Variants in PADI6 observed in about 807,000 individuals in gnomAD.
The protein encoded by PADI6 is peptidyl arginine deiminase 6, also known as inactive protein-arginine deiminase type-6.
Under a neutral mutation model 78.2 loss-of-function variants are expected in PADI6, and 66 were observed. The ratio of observed to expected loss-of-function variants is 0.84; its 90% CI spans 0.69 to 1.04. PADI6 has a LOEUF of 1.04. PADI6 is among the 50% of genes least tolerant of loss of function. The probability of loss-of-function intolerance (pLI) is 0.00; values close to 1 mark genes in which losing one functional copy is unlikely to be tolerated. For missense variants in PADI6, 854 were observed against 866.1 expected (o/e 0.99, Z 0.18); for synonymous variants, 397 against 346.9 (o/e 1.14, Z -1.60).
At position 17,393,690 on chromosome 1, in the gene PADI6, G is replaced by C. The variant is rs570276900; in HGVS notation, c.1075-285G>C. Among the ~76,000 whole-genome samples, 3 of 152,244 alleles carry C rather than the reference G, an allele frequency of 2.0e-5. No individual in the cohort carries two copies. The South Asian group carries it at 6.2e-4, about 32-fold the overall frequency. On this transcript the variant is annotated intron_variant, in intron 9 of 15. Transcript: ENST00000619609. ...CTGTCTCACCATGTTTCCCAGGCTG[G>C]TCTTGAATTCCTAGGCTCAAGTGAT...
chr1:17,398,647 C>CT, intron 14 of PADI6, 39 bp from the exon 15 acceptor site: 1 of 252,492 alleles, frequency 4.0e-6, no homozygotes, highest in Admixed American at 6.6e-5. Context: ...GCTCTCCTTG[C>CT]TCCCCCGCCC....
At chr1:17,380,616 C>A (rs1057153066) in intron 4 of PADI6, among the ~76,000 whole-genome samples, 2 of 152,152 alleles carry the variant, frequency 1.3e-5, no homozygotes, top group Non-Finnish European at 2.9e-5. Flanking sequence ...AGTGGTCCAC[C>A]TGCCTCGGCC....
At position 17,394,295 on chromosome 1, in the gene PADI6, C is replaced by T. The variant is rs1557607684; in HGVS notation, c.1183-5C>T. ...ACCCCTTCCCTGGCTCGGTCTCTCC[C>T]CCAGAGCCCTGGTATTGGCTACATG... On this transcript the variant is annotated splice_region_variant and splice_polypyrimidine_tract_variant and intron_variant, in intron 10 of 15. Coordinates refer to ENST00000619609, the MANE Select transcript of PADI6 (RefSeq NM_207421.4). The T allele has an allele frequency of 3.1e-6, 5 of 1,611,902 alleles. No homozygotes were observed. The highest frequency in any genetic ancestry group is 3.4e-6 in the Non-Finnish European group (4 of 1,178,200).
Position 17,398,800 on chromosome 1 carries a change from G to T in PADI6, c.1804G>T (p.Asp602Tyr), listed in dbSNP as rs548569766. The change falls in exon 15 of 16, where the codon GAC becomes TAC. Residue 602 changes from aspartate to tyrosine, a missense_variant. Coordinates refer to ENST00000619609, the MANE Select transcript of PADI6 (RefSeq NM_207421.4). ...GGAGAAGCTGACTAACATCCCCTCT[G>T]ACCAGCAGCCCAAGAGGTCCTTTGC... ...CLEKLTNIPS[D>Y]QQPKRSFARP... 6 of 1,613,296 alleles carry T rather than the reference G, an allele frequency of 3.7e-6. No individual in the cohort carries two copies. The South Asian group carries it at 6.6e-5, about 18-fold the overall frequency.
At chr1:17,388,016 C>T (rs1377155662) in intron 6 of PADI6, among the ~76,000 whole-genome samples, 1 of 152,194 alleles carries the variant, frequency 6.6e-6, no homozygotes, top group Non-Finnish European at 1.5e-5. Context: ...GACAGTTTCT[C>T]ACCTTTAGGA....
intron 6 of PADI6, among the ~76,000 whole-genome samples, chr1:17,383,994 A>G (rs1314119620): frequency 6.6e-6 from 1 of 151,922 alleles, no homozygotes. Context: ...ACTAAAAAAT[A>G]CAAAAGCTAG....
At chr1:17,397,497 C>T (rs758672904) in intron 14 of PADI6, among the ~76,000 whole-genome samples, 18 of 152,226 alleles carry the variant, frequency 1.2e-4, no homozygotes, top group South Asian at 2.1e-4. Flanking sequence ...ATGTCGGGAC[C>T]GTTGACAGAT....
intron 6 of PADI6, among the ~76,000 whole-genome samples, chr1:17,382,541 T>G (rs1570130975): frequency 6.6e-6 from 1 of 152,222 alleles, no homozygotes; most frequent in African/African-American, 2.4e-5. Context: ...CGGTAGCACC[T>G]GCATCCCAGC....
At chr1:17,380,999 A>G (rs2075067045) in intron 4 of PADI6, 48 bp from the exon 5 acceptor site, 1 of 1,480,590 alleles carries the variant, frequency 6.8e-7, no homozygotes, top group Admixed American at 2.0e-5. Context: ...GAGAAACAGA[A>G]GATTTATTTG....
At chr1:17,375,404 G>A in intron 2 of PADI6, 23 bp from the exon 3 acceptor site, 1 of 1,603,742 alleles carries the variant, frequency 6.2e-7, no homozygotes, top group Non-Finnish European at 8.5e-7. Flanking sequence ...ACTGCCTATG[G>A]TTTCGGGATG....
At position 17,373,160 on chromosome 1, in the gene PADI6, G is replaced by C; in HGVS notation, c.221G>C (p.Trp74Ser). The change falls in exon 2 of 16, where the codon TGG (tryptophan) becomes TCG (serine). Residue 74 changes from tryptophan (W) to serine (S), a missense_variant. By Grantham distance (177) the Trp-to-Ser change is radical. Coordinates refer to ENST00000619609, the MANE Select transcript of PADI6 (RefSeq NM_207421.4). ...TCTGAGAAGGAGGACGCCACCATCT[G>C]GTGGCCCCTGTCTGATCCCACGTAC... ...VISEKEDATI[W>S]WPLSDPTYAT... is the part of the protein sequence containing the mutation. 1 of 1,613,978 alleles carries C rather than the reference G, an allele frequency of 6.2e-7. No individual in the cohort carries two copies. Among genetic ancestry groups the C allele is most frequent in the Non-Finnish European group, 8.5e-7 (1 of 1,179,862 alleles).
chr1:17,377,817 TCTGA>T (rs771904429), intron 3 of PADI6, among the ~76,000 whole-genome samples: 2 of 152,322 alleles, frequency 1.3e-5, no homozygotes, highest in African/African-American at 2.4e-5. Context: ...CTCTTGCCCT[TCTGA>T]CTAAGACCTC....
intron 4 of PADI6, among the ~76,000 whole-genome samples, chr1:17,380,435 T>C (rs1468699063): frequency 6.6e-6 from 1 of 152,204 alleles, no homozygotes; most frequent in Non-Finnish European, 1.5e-5. Flanking sequence ...TGGCACGATC[T>C]CAGCTCACTG....
chr1:17,384,842 A>G (rs549314963), intron 6 of PADI6, among the ~76,000 whole-genome samples: 1 of 152,370 alleles, frequency 6.6e-6, no homozygotes, highest in South Asian at 2.1e-4. Context: ...GTGAAAAGCC[A>G]GGTTGAAATG....
intron 3 of PADI6, among the ~76,000 whole-genome samples, chr1:17,376,186 G>A (rs1203541781): frequency 2.0e-5 from 3 of 151,700 alleles, no homozygotes; most frequent in Admixed American, 6.6e-5. Context: ...TGTTGGCCAG[G>A]CTGGTCTCGA....
In PADI6 at chr1:17,395,631, A is replaced by G; in HGVS notation, c.1586A>G (p.Asp529Gly). The G allele has an allele frequency of 1.9e-6, 3 of 1,610,864 alleles. No individual in the cohort carries two copies. The highest frequency in any genetic ancestry group is 2.5e-6 in the Non-Finnish European group (3 of 1,178,684). The change falls in exon 13 of 16, where the codon GAT becomes GGT. Residue 529 changes from aspartate (D) to glycine (G), a missense_variant. Physicochemically the swap from Asp to Gly is moderately conservative, Grantham distance 94. Coordinates refer to ENST00000619609, the MANE Select transcript of PADI6 (RefSeq NM_207421.4). ...KEGYGDALLF[D>G]ELRADQLLSN... Reference sequence around the variant, plus strand: ...GGCTATGGCGACGCTCTTCTGTTTGATGAGCTTAGAGCAGATCAGCTCCTG... The same window carrying G: ...GGCTATGGCGACGCTCTTCTGTTTGGTGAGCTTAGAGCAGATCAGCTCCTG...
At chr1:17,379,784 T>G in intron 3 of PADI6, 136 bp from the exon 4 acceptor site, 1 of 679,828 alleles carries the variant, frequency 1.5e-6, no homozygotes, top group Non-Finnish European at 2.5e-6. Flanking sequence ...TGGTTTCTGC[T>G]TCTAAGCTGA....
intron 9 of PADI6, 42 bp from the exon 10 acceptor site, chr1:17,393,933 G>A (rs776875102): frequency 2.0e-5 from 31 of 1,560,766 alleles, no homozygotes; most frequent in Non-Finnish European, 2.6e-5. Context: ...GGTCCGGGGA[G>A]ATGTGTGACT....
At chr1:17,377,401 T>A (rs1270512343) in intron 3 of PADI6, among the ~76,000 whole-genome samples, 1 of 152,146 alleles carries the variant, frequency 6.6e-6, no homozygotes, top group East Asian at 1.9e-4. Flanking sequence ...CAGTCCTTTG[T>A]CCCGCTGCTT....
Sources: allele counts gnomAD v4.1 joint callset (sites outside exome capture counted in the v4.1 genomes callset), GRCh38; gene constraint gnomAD v4.1.1; transcripts MANE v1.5; gene names NCBI Gene and HGNC (gene_info 2026-07-23, HGNC 2026-07-21).